CHMP4B: variants seen among roughly 807,000 people sequenced by gnomAD.
CHMP4B encodes the protein SNF7 homolog associated with Alix 1.
In CHMP4B, 1 loss-of-function variant was observed where a neutral mutation model predicts 25.1. The observed-to-expected ratio is 0.04, with a 90% CI of 0.01 to 0.19. The LOEUF is 0.19. CHMP4B is among the 10% of genes least tolerant of loss of function. The pLI is 1.00. For missense variants in CHMP4B, 151 were observed against 289.7 expected (o/e 0.52, Z 3.48); for synonymous variants, 101 against 115.6 (o/e 0.87, Z 0.81).
chr20:33,830,933 G>GTTTGTTTTTTTTTTTTTTT (rs1979223178), intron 1 of CHMP4B, among the ~76,000 whole-genome samples: 1 of 102,524 alleles, frequency 9.8e-6, no homozygotes, highest in Non-Finnish European at 1.9e-5. Flanking sequence ...AAGGAACAGA[G>GTTTGTTTTTTTTTTTTTTT]TTTTTTTTTT....
chr20:33,827,813 G>A (rs1182022163), intron 1 of CHMP4B, among the ~76,000 whole-genome samples: 2 of 152,190 alleles, frequency 1.3e-5, no homozygotes, highest in Non-Finnish European at 1.5e-5. Flanking sequence ...TCACTGACCC[G>A]CCTTTGGGGC....
At chr20:33,833,026 C>T (rs905312701) in intron 1 of CHMP4B, among the ~76,000 whole-genome samples, 23 of 151,778 alleles carry the variant, frequency 1.5e-4, no homozygotes, top group East Asian at 9.7e-4. Context: ...TGGCCTCAAG[C>T]GAACCTCCTG....
intron 1 of CHMP4B, among the ~76,000 whole-genome samples, chr20:33,813,445 A>T (rs1601313810): frequency 6.7e-6 from 1 of 149,240 alleles, no homozygotes; most frequent in South Asian, 2.2e-4. Flanking sequence ...TGGGTGGGGG[A>T]TGCGGGTGGG....
In CHMP4B at chr20:33,853,482, C is replaced by T. The variant is rs760289799; in HGVS notation, c.611-14C>T. The T allele has an allele frequency of 6.8e-6, 11 of 1,613,610 alleles. No homozygotes were observed. Among genetic ancestry groups the T allele is most frequent in the Non-Finnish European group, 9.3e-6 (11 of 1,179,670 alleles). ...CACCAGTCATCCTAAATAGCCTTTT[C>T]TGTCTTCACACAGCCAAGAAGAAAG... On this transcript the variant is annotated splice_polypyrimidine_tract_variant and intron_variant, in intron 4 of 4. Coordinates refer to ENST00000217402, the MANE Select transcript of CHMP4B (RefSeq NM_176812.5).
intron 1 of CHMP4B, among the ~76,000 whole-genome samples, chr20:33,821,891 A>C (rs1289435529): frequency 6.6e-6 from 1 of 151,892 alleles, no homozygotes; most frequent in Admixed American, 6.6e-5. Flanking sequence ...ATCTTGGCTC[A>C]CTGTAACCTC....
intron 1 of CHMP4B, among the ~76,000 whole-genome samples, chr20:33,847,245 C>A (rs1243130701): frequency 6.6e-6 from 1 of 151,134 alleles, no homozygotes; most frequent in South Asian, 2.1e-4. Flanking sequence ...CTTCCTGGCA[C>A]AGATACTTTT....
intron 1 of CHMP4B, among the ~76,000 whole-genome samples, chr20:33,817,278 G>A (rs940693812): frequency 3.9e-5 from 6 of 152,234 alleles, no homozygotes; most frequent in African/African-American, 1.4e-4. Context: ...GACAGATGGA[G>A]TACCAGAGGC....
chr20:33,812,259 G>A (rs996518576), intron 1 of CHMP4B, among the ~76,000 whole-genome samples: 1 of 152,216 alleles, frequency 6.6e-6, no homozygotes, highest in Non-Finnish European at 1.5e-5. Flanking sequence ...TGAGGCCTCA[G>A]TTTCCCCATC....
chr20:33,848,845 T>G (rs1979760912), intron 2 of CHMP4B, among the ~76,000 whole-genome samples: 1 of 152,224 alleles, frequency 6.6e-6, no homozygotes, highest in Middle Eastern at 3.2e-3. Context: ...AAAAGTACTT[T>G]CTGAGTAATT....
intron 1 of CHMP4B, among the ~76,000 whole-genome samples, chr20:33,830,951 G>GTTTTTTTTTT (rs1555792014): frequency 1.2e-3 from 86 of 72,926 alleles, no homozygotes; most frequent in East Asian, 2.2e-3. Context: ...TTTTTTTTTA[G>GTTTTTTTTTT]TTTTTTTGAG....
intron 1 of CHMP4B, among the ~76,000 whole-genome samples, chr20:33,840,888 A>G (rs1979522246): frequency 6.6e-6 from 1 of 152,136 alleles, no homozygotes; most frequent in African/African-American, 2.4e-5. Context: ...TGTTATCATG[A>G]GGGTTATTAG....
intron 1 of CHMP4B, among the ~76,000 whole-genome samples, chr20:33,834,870 G>A (rs572278225): frequency 6.6e-6 from 1 of 152,066 alleles, no homozygotes; most frequent in Non-Finnish European, 1.5e-5. Flanking sequence ...CGTGTTCTCA[G>A]CTGACTGCAA....
chr20:33,852,231 C>T lies in CHMP4B; in HGVS notation c.610+28C>T, dbSNP rs374803587. 8.7e-5 allele frequency: 141 copies of T among 1,613,514 alleles called. 1 individual carries two copies. The highest frequency in any genetic ancestry group is 4.9e-4 in the Middle Eastern group (3 of 6,084). ...GAGTGCTTCTAGAGTCATGGCACAC[C>T]GTGAGGTCATGTGGCAGGTGATCTT... On this transcript the variant is annotated intron_variant, in intron 4 of 4. Coordinates refer to ENST00000217402, the MANE Select transcript of CHMP4B (RefSeq NM_176812.5).
chr20:33,829,098 G>A (rs1229387158), intron 1 of CHMP4B, among the ~76,000 whole-genome samples: 1 of 152,220 alleles, frequency 6.6e-6, no homozygotes, highest in Admixed American at 6.5e-5. Context: ...TCTGTCTTGG[G>A]CTCACAGCCC....
intron 2 of CHMP4B, among the ~76,000 whole-genome samples, chr20:33,849,011 A>T (rs1478599696): frequency 6.6e-6 from 1 of 152,176 alleles, no homozygotes; most frequent in Non-Finnish European, 1.5e-5. Flanking sequence ...CTGGGATTAG[A>T]ATCGGTGCCC....
Position 33,854,018 on chromosome 20 carries a change from C to T in CHMP4B, c.*458C>T, listed in dbSNP as rs931968695. On this transcript the variant is annotated 3_prime_UTR_variant, in exon 5 of 5. Coordinates refer to ENST00000217402, the MANE Select transcript of CHMP4B (RefSeq NM_176812.5). ...ATTTTTCAAAAGCCATAGGCTTTTC[C>T]TTGCCCTTAGCTGTAATAATGCATC... The T allele has an allele frequency of 4.2e-6, 1 of 239,420 alleles. No homozygotes were observed. Among genetic ancestry groups the T allele is most frequent in the Admixed American group, 5.1e-5 (1 of 19,562 alleles). The allele number at this position is 239,420 out of a possible 1,614,324, so 14.8% of individuals were successfully genotyped here. A position where few individuals can be genotyped will look rare whatever the true frequency, so the allele number is the denominator to read the frequency against.
At chr20:33,846,519 T>C (rs1979693436) in intron 1 of CHMP4B, among the ~76,000 whole-genome samples, 1 of 152,248 alleles carries the variant, frequency 6.6e-6, no homozygotes, top group Non-Finnish European at 1.5e-5. Context: ...TATGTGTGTA[T>C]GTATGTATTT....
chr20:33,832,720 G>T (rs1329927560), intron 1 of CHMP4B, among the ~76,000 whole-genome samples: 1 of 151,160 alleles, frequency 6.6e-6, no homozygotes, highest in Non-Finnish European at 1.5e-5. Flanking sequence ...ATGTATGAAT[G>T]GTAGTAATTA....
At chr20:33,831,876 G>A (rs937781900) in intron 1 of CHMP4B, among the ~76,000 whole-genome samples, 15 of 152,214 alleles carry the variant, frequency 9.9e-5, no homozygotes, top group Non-Finnish European at 2.2e-4. Context: ...GTGAGCCACC[G>A]TGTCTGACCT....
Sources: gnomAD v4.1 joint callset for allele counts (sites outside exome capture counted in the v4.1 genomes callset) on GRCh38, gnomAD v4.1.1 for gene constraint, MANE v1.5 for transcripts, NCBI Gene and HGNC (gene_info 2026-07-23, HGNC 2026-07-21) for gene names.